NRXN1: variants seen among roughly 807,000 people sequenced by gnomAD.
NRXN1 encodes the protein neurexin-1.
In NRXN1, 39 loss-of-function variants were observed where a neutral mutation model predicts 150.9. The ratio of observed to expected loss-of-function variants is 0.26; its 90% CI spans 0.20 to 0.34. The LOEUF is 0.34. Ranked by LOEUF, NRXN1 falls within the 10% of genes least tolerant of loss-of-function variation. NRXN1 has a pLI of 1.00. For missense variants in NRXN1, 1,815 were observed against 1,949.9 expected (o/e 0.93, Z 1.30); for synonymous variants, 924 against 757.0 (o/e 1.22, Z -3.62).
intron 5 of NRXN1, among the ~76,000 whole-genome samples, chr2:50,813,906 C>G (rs1313894570): frequency 6.6e-6 from 1 of 151,904 alleles, no homozygotes; most frequent in East Asian, 1.9e-4. Context: ...ATCTTCTGAT[C>G]TTACTAATAT....
rs1270118224 is a variant in NRXN1, at chr2:49,918,583, G to C, written c.*3361C>G. 6.6e-6 allele frequency: 1 copy of C among 152,042 alleles called. No individual in the cohort carries two copies. The highest frequency in any genetic ancestry group is 1.5e-5 in the Non-Finnish European group (1 of 67,974). The allele number at this position is 152,042 out of a possible 1,614,324, so 9.4% of individuals were successfully genotyped here. A position where few individuals can be genotyped will look rare whatever the true frequency, so the allele number is the denominator to read the frequency against. ...TTTTATAGAGAAAAAGCATATTTAT[G>C]AAATTAGTATTTTAATATTGTTTGC... On this transcript the variant is annotated 3_prime_UTR_variant, in exon 23 of 23. Transcript: ENST00000401669.
At chr2:50,307,219 T>C (rs2074705903) in intron 17 of NRXN1, among the ~76,000 whole-genome samples, 1 of 152,178 alleles carries the variant, frequency 6.6e-6, no homozygotes, top group Non-Finnish European at 1.5e-5. Flanking sequence ...CCTGACCTCG[T>C]GATTCACCCA....
At chr2:50,383,446 AC>A (rs1267158198) in intron 17 of NRXN1, among the ~76,000 whole-genome samples, 1 of 152,210 alleles carries the variant, frequency 6.6e-6, no homozygotes, top group Non-Finnish European at 1.5e-5. Flanking sequence ...GAGATTTAAA[AC>A]AAAAAAAAAT....
At chr2:50,420,748 G>T (rs2083921090) in intron 17 of NRXN1, among the ~76,000 whole-genome samples, 1 of 152,082 alleles carries the variant, frequency 6.6e-6, no homozygotes, top group Non-Finnish European at 1.5e-5. Flanking sequence ...ATGAATCAAA[G>T]AAAAGGACTG....
chr2:50,598,687 T>C (rs1194046358), intron 8 of NRXN1, among the ~76,000 whole-genome samples: 1 of 146,770 alleles, frequency 6.8e-6, no homozygotes, highest in African/African-American at 2.5e-5. Flanking sequence ...TGTATGTATA[T>C]ACATATCTAT....
intron 17 of NRXN1, among the ~76,000 whole-genome samples, chr2:50,386,434 A>G (rs916034739): frequency 6.6e-6 from 1 of 152,138 alleles, no homozygotes; most frequent in African/African-American, 2.4e-5. Flanking sequence ...CATAGGAGGT[A>G]ATTTCAACTA....
intron 19 of NRXN1, among the ~76,000 whole-genome samples, chr2:50,090,136 G>A (rs1181980411): frequency 6.6e-6 from 1 of 152,142 alleles, no homozygotes; most frequent in Admixed American, 6.5e-5. Context: ...TATTGGCAGA[G>A]TACTAGGCTT....
chr2:50,348,416 T>G (rs776048844), intron 17 of NRXN1, among the ~76,000 whole-genome samples: 5 of 152,140 alleles, frequency 3.3e-5, no homozygotes, highest in Non-Finnish European at 5.9e-5. Context: ...AGAAATGGCA[T>G]GAATAAAATT....
intron 5 of NRXN1, among the ~76,000 whole-genome samples, chr2:50,815,760 T>C (rs1482198105): frequency 1.3e-5 from 2 of 152,196 alleles, no homozygotes; most frequent in Non-Finnish European, 2.9e-5. Flanking sequence ...CTGGTCTTCA[T>C]AGAAAAGCAT....
At chr2:50,405,731 C>A (rs563268936) in intron 17 of NRXN1, among the ~76,000 whole-genome samples, 29 of 152,202 alleles carry the variant, frequency 1.9e-4, no homozygotes, top group South Asian at 1.0e-3. Flanking sequence ...GTTTATTACT[C>A]ACTCACGTGA....
intron 2 of NRXN1, among the ~76,000 whole-genome samples, chr2:51,005,471 A>C (rs1284537718): frequency 1.3e-5 from 2 of 152,024 alleles, no homozygotes; most frequent in African/African-American, 4.8e-5. Context: ...AAAATGAAAA[A>C]GAAATAAAAT....
intron 2 of NRXN1, chr2:50,963,929 G>A: frequency 2.5e-6 from 1 of 402,304 alleles, no homozygotes; most frequent in Non-Finnish European, 5.0e-6. Context: ...CTTGCACTAG[G>A]CATCAGTCCA....
chr2:50,065,047 C>G (rs1695156568), intron 19 of NRXN1, among the ~76,000 whole-genome samples: 1 of 152,170 alleles, frequency 6.6e-6, no homozygotes, highest in Admixed American at 6.5e-5. Context: ...AATTAAGTTT[C>G]ATGCATGCTG....
rs569237962 is a variant in NRXN1, at chr2:50,046,830, C to T, written c.4128+6441G>A. Among the ~76,000 whole-genome samples, 6 of 152,256 alleles carry T rather than the reference C, an allele frequency of 3.9e-5. No individual in the cohort carries two copies. In the East Asian group the frequency reaches 9.7e-4, roughly 25 times the overall value. On this transcript the variant is annotated intron_variant, in intron 21 of 22. Coordinates refer to ENST00000401669, the MANE Select transcript of NRXN1 (RefSeq NM_001330078.2). ...GACCTTAGACTCCCAGAACGCAGGG[C>T]CTCATCATCTGATCATGTTAGGTGT... is the stretch of plus-strand genomic sequence containing the variant.
intron 5 of NRXN1, among the ~76,000 whole-genome samples, chr2:50,755,565 A>G (rs1701070587): frequency 6.6e-6 from 1 of 151,788 alleles, no homozygotes; most frequent in Non-Finnish European, 1.5e-5. Context: ...GCTGTAATTA[A>G]GTTTAGCCTT....
At chr2:51,026,486 A>G in intron 2 of NRXN1, 1 of 1,541,124 alleles carries the variant, frequency 6.5e-7, no homozygotes, top group Non-Finnish European at 8.9e-7. Context: ...AGGAGAAAAG[A>G]GAACTTAGGT....
chr2:50,798,832 C>A (rs1707194459), intron 5 of NRXN1, among the ~76,000 whole-genome samples: 1 of 152,116 alleles, frequency 6.6e-6, no homozygotes, highest in South Asian at 2.1e-4. Context: ...CAAATTTTAA[C>A]CTTTAATATC....
At chr2:50,168,001 C>T (rs1384117101) in intron 18 of NRXN1, among the ~76,000 whole-genome samples, 1 of 151,496 alleles carries the variant, frequency 6.6e-6, no homozygotes, top group African/African-American at 2.4e-5. Flanking sequence ...CAGAACAATG[C>T]TTTTATTTCA....
intron 18 of NRXN1, among the ~76,000 whole-genome samples, chr2:50,119,718 G>T (rs538928774): frequency 2.4e-4 from 36 of 152,216 alleles, no homozygotes; most frequent in Admixed American, 1.8e-3. Context: ...CTTAAGATAC[G>T]GATGTATATA....
Sources: allele counts gnomAD v4.1 joint callset (sites outside exome capture counted in the v4.1 genomes callset), GRCh38; gene constraint gnomAD v4.1.1; transcripts MANE v1.5; gene names NCBI Gene and HGNC (gene_info 2026-07-23, HGNC 2026-07-21).